Variants in TOM1L2 observed in about 807,000 individuals in gnomAD.
The protein encoded by TOM1L2 is TOM1-like protein 2.
A neutral mutation model predicts 67.9 loss-of-function variants in TOM1L2; 31 were observed. The observed-to-expected ratio is 0.46, with a 90% confidence interval of 0.34 to 0.62. The LOEUF (loss-of-function observed/expected upper bound fraction) is 0.62, where lower values mean the gene tolerates loss of function less well. Among genes scored for constraint, TOM1L2 ranks in the 20% least tolerant of loss-of-function variants. The pLI, the probability that TOM1L2 is intolerant of heterozygous loss-of-function variation, is 0.01. For missense variants in TOM1L2, 606 were observed against 663.5 expected, an observed-to-expected ratio of 0.91 and a Z score of 0.95; for synonymous variants, 256 against 254.0, an observed-to-expected ratio of 1.01 and a Z score of -0.07.
At chr17:17,941,998 G>T (rs1414637188) in intron 1 of TOM1L2, among the ~76,000 whole-genome samples, 1 of 152,174 alleles carries the variant, frequency 6.6e-6, no homozygotes, top group African/African-American at 2.4e-5. Context: ...CAAAAACGTA[G>T]CACAAAAGAG....
intron 4 of TOM1L2, among the ~76,000 whole-genome samples, chr17:17,885,924 CA>C (rs35579807): frequency 0.021 from 1,374 of 66,200 alleles, 13 homozygotes; most frequent in East Asian, 0.084. Flanking sequence ...GACTCCGTCT[CA>C]AAAAAAAAAA....
rs1278376881 is a variant in TOM1L2 at position 17,882,857 on chromosome 17, G to C, written c.508C>G (p.Pro170Ala). 1 of 1,613,906 alleles carries C rather than the reference G, an allele frequency of 6.2e-7. No individual in the cohort carries two copies. Among genetic ancestry groups the C allele is most frequent in the Non-Finnish European group, 8.5e-7 (1 of 1,179,966 alleles). Residue 170 changes from proline (P) to alanine (A), a missense_variant, in exon 6 of 15, where the codon CCT becomes GCT. Pro to Ala is a conservative substitution (Grantham distance 27, BLOSUM62 -1). Coordinates refer to ENST00000379504, the MANE Select transcript of TOM1L2 (RefSeq NM_001082968.2). ...SPIHTPQRSV[P>A]EVDPAATMPR... ...ATGGTCGCAGCTGGATCCACTTCAG[G>C]GACACTCTGGCATGGCAACAACAAA...
intron 2 of TOM1L2, among the ~76,000 whole-genome samples, chr17:17,904,004 T>C (rs2038976711): frequency 6.6e-6 from 1 of 151,970 alleles, no homozygotes. Flanking sequence ...ATTATTATTA[T>C]TATTATTTTT....
At chr17:17,888,495 G>A (rs770291890) in intron 4 of TOM1L2, among the ~76,000 whole-genome samples, 1 of 152,180 alleles carries the variant, frequency 6.6e-6, no homozygotes, top group Non-Finnish European at 1.5e-5. Flanking sequence ...GCTTCTGTCA[G>A]CTCCTGCTTA....
chr17:17,906,480 CT>C (rs1240296101), intron 2 of TOM1L2, among the ~76,000 whole-genome samples: 1 of 152,054 alleles, frequency 6.6e-6, no homozygotes, highest in African/African-American at 2.4e-5. Flanking sequence ...AGCCTCCTCT[CT>C]CCCCATCTCC....
chr17:17,916,391 G>C (rs1432468658), intron 1 of TOM1L2, among the ~76,000 whole-genome samples: 1 of 152,040 alleles, frequency 6.6e-6, no homozygotes, highest in Non-Finnish European at 1.5e-5. Flanking sequence ...GATTTTTATA[G>C]TTTTCCCTTC....
intron 12 of TOM1L2, among the ~76,000 whole-genome samples, chr17:17,853,647 G>C (rs2036113775): frequency 6.6e-6 from 1 of 152,214 alleles, no homozygotes; most frequent in South Asian, 2.1e-4. Context: ...GCATCCTCCA[G>C]ACCAAGCCCT....
At chr17:17,859,639 G>C (rs1252630846) in intron 12 of TOM1L2, 1 of 152,230 alleles carries the variant, frequency 6.6e-6, no homozygotes. Context: ...CCGGCACTTT[G>C]GGAGGCCAAG....
intron 1 of TOM1L2, among the ~76,000 whole-genome samples, chr17:17,957,012 CGCT>C (rs1178965787): frequency 2.6e-5 from 4 of 152,224 alleles, no homozygotes; most frequent in African/African-American, 9.6e-5. Flanking sequence ...GCTGCCAGCA[CGCT>C]GTCACCTCTC....
chr17:17,955,955 A>G (rs1382602573), intron 1 of TOM1L2, among the ~76,000 whole-genome samples: 8 of 152,140 alleles, frequency 5.3e-5, no homozygotes, highest in Non-Finnish European at 1.2e-4. Context: ...GGAATTGTTC[A>G]TTCCTCCCAA....
At chr17:17,956,106 G>A (rs540021769) in intron 1 of TOM1L2, among the ~76,000 whole-genome samples, 30 of 152,258 alleles carry the variant, frequency 2.0e-4, no homozygotes, top group Admixed American at 5.9e-4. Flanking sequence ...TCCCCCGCAC[G>A]AAAAAGGACC....
chr17:17,970,869 C>T (rs1367448594), intron 1 of TOM1L2, among the ~76,000 whole-genome samples: 5 of 152,166 alleles, frequency 3.3e-5, no homozygotes, highest in Admixed American at 1.3e-4. Flanking sequence ...TCATAAAAGA[C>T]GTTTTACCAG....
At chr17:17,949,982 C>G (rs908097176) in intron 1 of TOM1L2, among the ~76,000 whole-genome samples, 1 of 151,418 alleles carries the variant, frequency 6.6e-6, no homozygotes, top group Admixed American at 6.6e-5. Flanking sequence ...ACCATTCTCC[C>G]GCCTCAGCCT....
At chr17:17,858,272 C>T (rs2036358236) in intron 12 of TOM1L2, 1 of 156,562 alleles carries the variant, frequency 6.4e-6, no homozygotes, top group African/African-American at 2.5e-5. Flanking sequence ...TTTTTCTAAA[C>T]TCTTGAATAC....
chr17:17,870,916 A>T (rs2037117650), intron 7 of TOM1L2, among the ~76,000 whole-genome samples: 1 of 152,228 alleles, frequency 6.6e-6, no homozygotes, highest in Non-Finnish European at 1.5e-5. Context: ...TGTCCCTGGT[A>T]TCCTGCAACA....
chr17:17,906,658 C>T (rs1358367375), intron 2 of TOM1L2, among the ~76,000 whole-genome samples: 1 of 152,142 alleles, frequency 6.6e-6, no homozygotes, highest in Non-Finnish European at 1.5e-5. Flanking sequence ...GGTAGTCATT[C>T]GAGAAATATT....
Position 17,893,656 on chromosome 17 carries a change from C to A in TOM1L2, c.366+5G>T. 6.2e-7 allele frequency: 1 copy of A among 1,613,054 alleles called. No homozygotes were observed. Among genetic ancestry groups the A allele is most frequent in the Non-Finnish European group, 8.5e-7 (1 of 1,179,478 alleles). ...CCAACAAATTGGGCAAGGGGTCCAA[C>A]CTACCTGGATCAGAGCAAGCACTTT... On this transcript the variant is annotated splice_donor_5th_base_variant and intron_variant, in intron 4 of 14. Coordinates refer to ENST00000379504, the MANE Select transcript of TOM1L2 (RefSeq NM_001082968.2).
At chr17:17,885,190 C>T (rs1388145396) in intron 4 of TOM1L2, among the ~76,000 whole-genome samples, 1 of 152,236 alleles carries the variant, frequency 6.6e-6, no homozygotes, top group Non-Finnish European at 1.5e-5. Flanking sequence ...CACCTCTGCC[C>T]TGAAAGCTTC....
At chr17:17,915,729 C>T (rs899047877) in intron 1 of TOM1L2, among the ~76,000 whole-genome samples, 2 of 152,072 alleles carry the variant, frequency 1.3e-5, no homozygotes, top group Admixed American at 1.3e-4. Context: ...GCTATGTTAC[C>T]CAGGCTGATC....
Sources: gnomAD v4.1 joint callset for allele counts (sites outside exome capture counted in the v4.1 genomes callset) on GRCh38, gnomAD v4.1.1 for gene constraint, MANE v1.5 for transcripts, NCBI Gene and HGNC (gene_info 2026-07-23, HGNC 2026-07-21) for gene names.